Variants in FER1L5 observed in about 807,000 individuals in gnomAD.
The protein encoded by FER1L5 is fer-1 like family member 5, also known as fer-1-like protein 5.
In FER1L5, 187 loss-of-function variants were observed where a neutral mutation model predicts 279.9. The observed-to-expected ratio is 0.67, with a 90% CI of 0.59 to 0.75. The LOEUF (loss-of-function observed/expected upper bound fraction) is 0.75, where lower values mean the gene tolerates loss of function less well. Among genes scored for constraint, FER1L5 ranks in the 30% least tolerant of loss-of-function variants. The pLI is 0.00. For synonymous variants in FER1L5, 921 were observed against 989.7 expected (o/e 0.93, Z 1.30); for missense variants, 2,091 against 2,594.4 (o/e 0.81, Z 4.21).
rs571024109 is a variant in FER1L5 at position 96,698,382 on chromosome 2, A to T, written c.4356+226A>T. On this transcript the variant is annotated intron_variant, in intron 40 of 52. Transcript: ENST00000624922. This position sits in a 1 kb window ranked among gnomAD's most constrained non-coding sequence, Gnocchi z 5.5. Reference sequence around the variant, plus strand: ...TGGCCTCCCAAGGCTGCAAAGCCACAGAGAACAAGCCCGAACCTGAAGGGA... The same window carrying T: ...TGGCCTCCCAAGGCTGCAAAGCCACTGAGAACAAGCCCGAACCTGAAGGGA... Among the ~76,000 whole-genome samples, 3 of 152,124 alleles carry T rather than the reference A, an allele frequency of 2.0e-5. 1 individual carries two copies. The South Asian group carries it at 6.2e-4, about 32-fold the overall frequency.
At chr2:96,697,821 G>A in intron 39 of FER1L5, 60 bp downstream of exon 39, 1 of 1,582,038 alleles carries the variant, frequency 6.3e-7, no homozygotes. Context: ...GGCCAGCAGA[G>A]CTAGCCTTGA....
chr2:96,679,666 A>G (rs1235842503), intron 19 of FER1L5, among the ~76,000 whole-genome samples: 2 of 152,240 alleles, frequency 1.3e-5, no homozygotes, highest in Non-Finnish European at 2.9e-5. Flanking sequence ...GTTACATGTT[A>G]AAATACTTAC....
At chr2:96,645,511 A>C (rs544016908) in intron 1 of FER1L5, among the ~76,000 whole-genome samples, 9 of 152,282 alleles carry the variant, frequency 5.9e-5, no homozygotes, top group African/African-American at 2.2e-4. Context: ...AAATGGGCCG[A>C]GCGCGGTGGC....
At chr2:96,644,663 A>G (rs1021321333) in intron 1 of FER1L5, among the ~76,000 whole-genome samples, 1 of 152,214 alleles carries the variant, frequency 6.6e-6, no homozygotes, top group African/African-American at 2.4e-5. Flanking sequence ...TACAGGACAT[A>G]TGAGTAATGA....
In FER1L5 at chr2:96,689,197, A is replaced by G; in HGVS notation, c.2362-16A>G. The G allele has an allele frequency of 6.5e-7, 1 of 1,548,620 alleles. No homozygotes were observed. The highest frequency in any genetic ancestry group is 8.7e-7 in the Non-Finnish European group (1 of 1,145,996). On this transcript the variant is annotated splice_polypyrimidine_tract_variant and intron_variant, in intron 24 of 52. Transcript: ENST00000624922. The surrounding 1 kb of genome is among the most constrained non-coding windows in gnomAD (Gnocchi z 4.6). The stretch of plus-strand genomic sequence containing the variant: ...GCTAGAGGAGGCGGCCGCCCTGACA[A>G]GCTTCCCTCCCCTAGTATGAGAATC...
In FER1L5 at chr2:96,702,183, T is replaced by C. The variant is rs916050946; in HGVS notation, c.5160-123T>C. On this transcript the variant is annotated intron_variant, in intron 46 of 52. Transcript: ENST00000624922. This position sits in a 1 kb window ranked among gnomAD's most constrained non-coding sequence, Gnocchi z 4.0. ...AGAGGAAGCTCTACTGGGAGCTTTCTTCCCCTGAATTCCCCACACTGAGCA... is the reference window on the plus strand; with the variant it reads ...AGAGGAAGCTCTACTGGGAGCTTTCCTCCCCTGAATTCCCCACACTGAGCA... 3.2e-6 allele frequency: 5 copies of C among 1,556,244 alleles called. No homozygotes were observed. The Admixed American group carries it at 8.0e-5, about 25-fold the overall frequency.
At chr2:96,680,790 G>A (rs555614822) in intron 19 of FER1L5, among the ~76,000 whole-genome samples, 2 of 152,130 alleles carry the variant, frequency 1.3e-5, no homozygotes, top group Non-Finnish European at 2.9e-5. Flanking sequence ...CTCAGATCAC[G>A]GATCTGGAGC....
chr2:96,703,772 C>A, intron 51 of FER1L5, 140 bp downstream of exon 51: 3 of 647,364 alleles, frequency 4.6e-6, no homozygotes, highest in Non-Finnish European at 7.9e-6. Flanking sequence ...CAGCAAAGAA[C>A]AGACTTGGGG....
chr2:96,689,439 G>A lies in FER1L5; in HGVS notation c.2525+63G>A. 1 of 1,534,206 alleles carries A rather than the reference G, an allele frequency of 6.5e-7. No homozygotes were observed. ...CTTCACCTGGGAGGGCCAGTCCGCG[G>A]CAGCCCAGAAAGATGGGTACCTAGC... On this transcript the variant is annotated intron_variant, in intron 25 of 52. Transcript: ENST00000624922. This position sits in a 1 kb window ranked among gnomAD's most constrained non-coding sequence, Gnocchi z 4.6.
chr2:96,652,950 C>T (rs1024110923), intron 7 of FER1L5: 1 of 152,508 alleles, frequency 6.6e-6, no homozygotes, highest in Non-Finnish European at 1.5e-5. Context: ...CTTGGTGGCT[C>T]ATGCCTGTAA....
chr2:96,673,789 C>A (rs1048119410), intron 19 of FER1L5, among the ~76,000 whole-genome samples: 1 of 152,216 alleles, frequency 6.6e-6, no homozygotes, highest in African/African-American at 2.4e-5. Flanking sequence ...AATGCAGATT[C>A]TTGACCCCAC....
intron 4 of FER1L5, among the ~76,000 whole-genome samples, 153 bp downstream of exon 4, chr2:96,648,039 C>A (rs902203744): frequency 6.6e-6 from 1 of 152,360 alleles, no homozygotes; most frequent in Admixed American, 6.5e-5. Context: ...TCTGCGCCCC[C>A]CTCCCCAACG....
chr2:96,659,377 CTTT>C (rs2075795951), intron 9 of FER1L5, among the ~76,000 whole-genome samples: 1 of 11,442 alleles, frequency 8.7e-5, no homozygotes, highest in Admixed American at 1.3e-3. Context: ...TTCTTTCTTT[CTTT>C]CTTTCTTTCT....
intron 21 of FER1L5, among the ~76,000 whole-genome samples, 183 bp downstream of exon 21, chr2:96,685,612 G>A (rs1181307387): frequency 3.9e-5 from 6 of 152,016 alleles, no homozygotes; most frequent in Non-Finnish European, 5.9e-5. Context: ...CCCCCTGACC[G>A]CCCCATCAGA....
rs751611979 is a variant in FER1L5 at position 96,699,506 on chromosome 2, G to A, written c.4611-44G>A. ...CACCGGTGAGGGAGGGGGGCACAGA[G>A]ACATTGCCCACATCCTCTGCAGTCT... is the stretch of plus-strand genomic sequence containing the variant. On this transcript the variant is annotated intron_variant, in intron 42 of 52. Coordinates refer to ENST00000624922, the MANE Select transcript of FER1L5 (RefSeq NM_001293083.2). 5 of 1,578,570 alleles carry A rather than the reference G, an allele frequency of 3.2e-6. No homozygotes were observed. The East Asian group carries it at 9.0e-5, about 28-fold the overall frequency.
At position 96,702,072 on chromosome 2, in the gene FER1L5, G is replaced by A. The variant is rs76600007; in HGVS notation, c.5159+29G>A. ...AGTGACAGCCCACTTCCCAACTGCT[G>A]CATTTCACAGTTCAGAACTCCCCCA... On this transcript the variant is annotated intron_variant, in intron 46 of 52. Transcript: ENST00000624922. The surrounding 1 kb of genome is among the most constrained non-coding windows in gnomAD (Gnocchi z 4.0). The A allele has an allele frequency of 1.3e-3, 2,075 of 1,611,344 alleles. 18 individuals carry two copies. The African/African-American group carries it at 0.026, about 20-fold the overall frequency.
intron 19 of FER1L5, among the ~76,000 whole-genome samples, chr2:96,673,547 A>G (rs1484489630): frequency 1.3e-5 from 2 of 151,870 alleles, no homozygotes; most frequent in East Asian, 1.9e-4. Context: ...CCTCTCATCC[A>G]TCCATCCTCC....
At position 96,660,369 on chromosome 2, in the gene FER1L5, C is replaced by T. The variant is rs2075910156; in HGVS notation, c.776C>T (p.Pro259Leu). The T allele has an allele frequency of 6.4e-7, 1 of 1,551,588 alleles. No individual in the cohort carries two copies. Among genetic ancestry groups the T allele is most frequent in the East Asian group, 2.4e-5 (1 of 40,920 alleles). The change falls in exon 10 of 53, where the codon CCA becomes CTA. Residue 259 changes from proline to leucine, a missense_variant and splice_region_variant. Pro to Leu is a moderately conservative substitution (Grantham distance 98). Coordinates refer to ENST00000624922, the MANE Select transcript of FER1L5 (RefSeq NM_001293083.2). ...GATATTGGGTTTATCTACCATTCTC[C>T]AGGTAGGTAATACTTATGGCAAATA... ...QTDIGFIYHS[P>L]GHTLLRKWLG...
In FER1L5 at chr2:96,699,510, T is replaced by C. The variant is rs377015458; in HGVS notation, c.4611-40T>C. 1.8e-3 allele frequency: 2,818 copies of C among 1,583,050 alleles called. 2 individuals carry two copies. Among genetic ancestry groups the C allele is most frequent in the Non-Finnish European group, 2.1e-3 (2,408 of 1,158,996 alleles). On this transcript the variant is annotated intron_variant, in intron 42 of 52. Transcript: ENST00000624922. The stretch of plus-strand genomic sequence containing the variant: ...GGTGAGGGAGGGGGGCACAGAGACA[T>C]TGCCCACATCCTCTGCAGTCTCCAA...
Sources: allele counts gnomAD v4.1 joint callset (sites outside exome capture counted in the v4.1 genomes callset), GRCh38; gene constraint gnomAD v4.1.1; non-coding constraint Gnocchi (gnomAD v3.1); transcripts MANE v1.5; gene names NCBI Gene and HGNC (gene_info 2026-07-23, HGNC 2026-07-21).